Variants in SEZ6L2 observed in about 807,000 individuals in gnomAD.
SEZ6L2 encodes seizure 6-like protein 2.
Under a neutral mutation model 97.0 loss-of-function variants are expected in SEZ6L2, and 44 were observed. That is an observed-to-expected ratio of 0.45 (90% CI 0.36 to 0.58). The LOEUF (loss-of-function observed/expected upper bound fraction) is 0.58, where lower values mean the gene tolerates loss of function less well. SEZ6L2 is among the 20% of genes least tolerant of loss of function. The probability of loss-of-function intolerance (pLI) is 0.00; values close to 1 mark genes in which losing one functional copy is unlikely to be tolerated. For missense variants in SEZ6L2, 1,086 were observed against 1,233.3 expected (o/e 0.88, Z 1.79); for synonymous variants, 543 against 546.1 (o/e 0.99, Z 0.08).
chr16:29,896,966 G>T lies in SEZ6L2; in HGVS notation c.367C>A (p.Leu123Met). 6.3e-7 allele frequency: 1 copy of T among 1,593,808 alleles called. No homozygotes were observed. Among genetic ancestry groups the T allele is most frequent in the Non-Finnish European group, 8.5e-7 (1 of 1,171,924 alleles). ...RGAGPTAPEL[L>M]TPPPGTTAPP... is the part of the protein sequence containing the mutation. Reference sequence around the variant, plus strand: ...GCTGTGGTTCCTGGGGGCGGGGTCAGCAGTTCTGGCGCAGTGGGGCCTGCC... The same window carrying T: ...GCTGTGGTTCCTGGGGGCGGGGTCATCAGTTCTGGCGCAGTGGGGCCTGCC... Residue 123 changes from leucine (L) to methionine (M), a missense_variant, in exon 3 of 18, where the codon CTG becomes ATG. This residue lies in a region of SEZ6L2 where 776 missense variants were observed against 794.7 expected (regional missense o/e 0.98). Transcript: ENST00000617533.
intron 8 of SEZ6L2, among the ~76,000 whole-genome samples, chr16:29,881,867 T>G (rs889448917): frequency 8.7e-5 from 13 of 149,516 alleles, no homozygotes; most frequent in Non-Finnish European, 1.5e-4. Context: ...TGACCTCAGG[T>G]GATCCACCCG....
At chr16:29,898,101 T>A in intron 1 of SEZ6L2, 117 bp from the exon 2 acceptor site, 4 of 1,476,174 alleles carry the variant, frequency 2.7e-6, no homozygotes, top group South Asian at 1.2e-5. Context: ...GGGGCTCAGA[T>A]GGTCCCAGGC....
intron 8 of SEZ6L2, among the ~76,000 whole-genome samples, chr16:29,882,979 G>A (rs1244880031): frequency 6.6e-6 from 1 of 152,186 alleles, no homozygotes; most frequent in Non-Finnish European, 1.5e-5. Context: ...TTCGGTAAAA[G>A]ATCTGTGCTG....
Position 29,885,641 on chromosome 16 carries a change from C to T in SEZ6L2, c.1317G>A (p.Val439=). 5 of 1,614,046 alleles carry T rather than the reference C, an allele frequency of 3.1e-6. No individual in the cohort carries two copies. The highest frequency in any genetic ancestry group is 4.2e-6 in the Non-Finnish European group (5 of 1,180,010). ...TGGCAGGTGTCTCTGACAGCAGCTC[C>T]ACGTAGAGGGACTGGGCGTCACTGA... ...GLISDAQSLY[V]ELLSETPANP... The change falls in exon 8 of 18, where the codon GTG becomes GTA. Residue 439 remains valine, a synonymous_variant. Coordinates refer to ENST00000617533, the MANE Select transcript of SEZ6L2 (RefSeq NM_001243332.2).
At chr16:29,893,920 G>A (rs1003195624) in intron 5 of SEZ6L2, among the ~76,000 whole-genome samples, 3 of 152,156 alleles carry the variant, frequency 2.0e-5, no homozygotes, top group Non-Finnish European at 2.9e-5. Flanking sequence ...ACCTAGCCTG[G>A]AGTACAATGG....
rs2067804262 is a variant in SEZ6L2, at chr16:29,872,445, A to G, written c.2609T>C (p.Ile870Thr). 1 of 1,614,224 alleles carries G rather than the reference A, an allele frequency of 6.2e-7. No individual in the cohort carries two copies. Among genetic ancestry groups the G allele is most frequent in the Non-Finnish European group, 8.5e-7 (1 of 1,180,030 alleles). Residue 870 changes from isoleucine to threonine, a missense_variant, in exon 16 of 18, where the codon ATT becomes ACT. Around this residue, in one of 2 missense-constraint regions of SEZ6L2, gnomAD observed 310 missense variants for 438.6 expected, o/e 0.71. Coordinates refer to ENST00000617533, the MANE Select transcript of SEZ6L2 (RefSeq NM_001243332.2). ...GATGTAAACGCCACTGCCGAGGACA[A>G]TGACCAAGCCTAGAGGCAGCAGGAT... ...LAILLPLGLV[I>T]VLGSGVYIYY...
rs763285864 is a variant in SEZ6L2 at position 29,897,956 on chromosome 16, C to A, written c.108G>T (p.Leu36Phe). The change falls in exon 2 of 18, where the codon TTG (leucine) becomes TTT (phenylalanine). Residue 36 changes from leucine (L) to phenylalanine (F), a missense_variant. Leu to Phe is a conservative substitution (Grantham distance 22). Around this residue, in one of 2 missense-constraint regions of SEZ6L2, gnomAD observed 776 missense variants for 794.7 expected, o/e 0.98. Coordinates refer to ENST00000617533, the MANE Select transcript of SEZ6L2 (RefSeq NM_001243332.2). ...TGGGGGTCTCACTTCCAGGCTCTGG[C>A]AATATCTCCTCCTCCTTCAGGGGCA... Reference protein sequence around the residue: ...QGLPLKEEEILPEPGSETPTV... With the variant: ...QGLPLKEEEIFPEPGSETPTV... 1 of 1,613,752 alleles carries A rather than the reference C, an allele frequency of 6.2e-7. No homozygotes were observed. Among genetic ancestry groups the A allele is most frequent in the Non-Finnish European group, 8.5e-7 (1 of 1,179,804 alleles).
At chr16:29,897,672 T>C (rs1002473974) in intron 2 of SEZ6L2, among the ~76,000 whole-genome samples, 181 bp downstream of exon 2, 2 of 152,214 alleles carry the variant, frequency 1.3e-5, no homozygotes, top group Non-Finnish European at 2.9e-5. Flanking sequence ...TGGTTCTGTC[T>C]GTGCCCAGGT....
In SEZ6L2 at chr16:29,876,681, C is replaced by T. The variant is rs1357444146; in HGVS notation, c.2104+75G>A. 3.0e-6 allele frequency: 4 copies of T among 1,346,802 alleles called. No homozygotes were observed. The highest frequency in any genetic ancestry group is 4.0e-6 in the Non-Finnish European group (4 of 1,009,954). 83.4% of individuals were successfully genotyped at this position (1,346,802 alleles called of 1,614,324 possible). A position where few individuals can be genotyped will look rare whatever the true frequency, so the allele number is the denominator to read the frequency against. ...GATGGAACCCAGAAAGCACGGGGGTCGGGACAGGACAGGCCGACGACGGGG... is the reference window on the plus strand; with the variant it reads ...GATGGAACCCAGAAAGCACGGGGGTTGGGACAGGACAGGCCGACGACGGGG... On this transcript the variant is annotated intron_variant, in intron 12 of 17. Coordinates refer to ENST00000617533, the MANE Select transcript of SEZ6L2 (RefSeq NM_001243332.2). This position sits in a 1 kb window ranked among gnomAD's most constrained non-coding sequence, Gnocchi z 6.5.
intron 8 of SEZ6L2, 117 bp downstream of exon 8, chr16:29,885,469 T>G: frequency 8.7e-7 from 1 of 1,150,238 alleles, no homozygotes; most frequent in East Asian, 2.4e-5. Context: ...GAGTCACGTT[T>G]CAAGGAACCC....
Position 29,894,859 on chromosome 16 carries a change from C to T in SEZ6L2, c.853+400G>A, listed in dbSNP as rs532074932. ...TCAGGAGGAAAAGCCCCCTTCGGCA[C>T]CCTGTGCTTCGATGGTTCTTAAAGA... is the stretch of plus-strand genomic sequence containing the variant. On this transcript the variant is annotated intron_variant, in intron 5 of 17. Transcript: ENST00000617533. 2.3e-3 allele frequency among the ~76,000 whole-genome samples: 349 copies of T among 152,188 alleles called. 7 individuals carry two copies. The South Asian group carries it at 0.07, about 31-fold the overall frequency.
At chr16:29,898,528 T>C (rs2068457956) in intron 1 of SEZ6L2, among the ~76,000 whole-genome samples, 1 of 151,956 alleles carries the variant, frequency 6.6e-6, no homozygotes, top group Admixed American at 6.6e-5. Flanking sequence ...AGTGGGGGAC[T>C]GAAAATCTGG....
rs906831485 is a variant in SEZ6L2 at position 29,876,141 on chromosome 16, C to G, written c.2104+615G>C. Among the ~76,000 whole-genome samples, 1 of 152,098 alleles carries G rather than the reference C, an allele frequency of 6.6e-6. No individual in the cohort carries two copies. The highest frequency in any genetic ancestry group is 1.5e-5 in the Non-Finnish European group (1 of 68,030). On this transcript the variant is annotated intron_variant, in intron 12 of 17. Transcript: ENST00000617533. This position sits in a 1 kb window ranked among gnomAD's most constrained non-coding sequence, Gnocchi z 6.5. ...AGCCTCAGAAATGCTAAGTGCCTCG[C>G]CCAAAGTCACCCAGTGATCACCACC...
chr16:29,872,744 C>A lies in SEZ6L2; in HGVS notation c.2489-1G>T, dbSNP rs781107207. ...TTGTCCAGGAGCTCCTCATAGGCAA[C>A]TGCAGGGAGAGGAGGGGGAGGGGAT... is the stretch of plus-strand genomic sequence containing the variant. On this transcript the variant is annotated splice_acceptor_variant, in intron 14 of 17. Coordinates refer to ENST00000617533, the MANE Select transcript of SEZ6L2 (RefSeq NM_001243332.2). LOFTEE classifies it high-confidence loss of function. The A allele has an allele frequency of 1.2e-6, 2 of 1,609,352 alleles. No homozygotes were observed. Among genetic ancestry groups the A allele is most frequent in the South Asian group, 2.2e-5 (2 of 90,954 alleles).
At chr16:29,887,232 A>G (rs917442130) in intron 7 of SEZ6L2, among the ~76,000 whole-genome samples, 1 of 149,498 alleles carries the variant, frequency 6.7e-6, no homozygotes, top group Non-Finnish European at 1.5e-5. Flanking sequence ...TGTGATGCAT[A>G]TCTCAACCAG....
At chr16:29,880,183 TA>T (rs1323642305) in intron 8 of SEZ6L2, 119 bp from the exon 9 acceptor site, 11 of 835,556 alleles carry the variant, frequency 1.3e-5, no homozygotes, top group East Asian at 2.8e-5. Context: ...TTTTTTTTTT[TA>T]AACAGTCTTG....
rs778321227 is a variant in SEZ6L2, at chr16:29,887,839, G to A, written c.1040-22C>T. On this transcript the variant is annotated intron_variant, in intron 6 of 17. Coordinates refer to ENST00000617533, the MANE Select transcript of SEZ6L2 (RefSeq NM_001243332.2). ...GATGCTGTGGGCAGAGGAGGGGTAC[G>A]TTAAGGCCAGCCTGAGGTGAACTGT... 1.9e-5 allele frequency: 31 copies of A among 1,612,264 alleles called. 1 individual carries two copies. The Middle Eastern group carries it at 1.7e-3, about 88-fold the overall frequency.
chr16:29,894,828 T>A (rs58517887), intron 5 of SEZ6L2, among the ~76,000 whole-genome samples: 1 of 151,804 alleles, frequency 6.6e-6, no homozygotes, highest in African/African-American at 2.4e-5. Context: ...CCCCCCAGGG[T>A]CGCAGTCAGG....
At chr16:29,880,330 T>A (rs2068005039) in intron 8 of SEZ6L2, among the ~76,000 whole-genome samples, 2 of 131,970 alleles carry the variant, frequency 1.5e-5, no homozygotes, top group South Asian at 4.4e-4. Flanking sequence ...GCCCAGCTAT[T>A]TTTTTTTTTT....
Sources: allele counts gnomAD v4.1 joint callset (sites outside exome capture counted in the v4.1 genomes callset), GRCh38; gene constraint gnomAD v4.1.1; regional missense constraint gnomAD v4.1.1; non-coding constraint Gnocchi (gnomAD v3.1); transcripts MANE v1.5; gene names NCBI Gene and HGNC (gene_info 2026-07-23, HGNC 2026-07-21).